ADGRV1: variants seen among roughly 807,000 people sequenced by gnomAD.
The protein encoded by ADGRV1 is G-protein coupled receptor 98.
In ADGRV1, 359 loss-of-function variants were observed where a neutral mutation model predicts 596.2. That is an observed-to-expected ratio of 0.60 (90% CI 0.55 to 0.66). ADGRV1 has a LOEUF of 0.66. Ranked by LOEUF, ADGRV1 falls within the 30% of genes least tolerant of loss-of-function variation. The pLI is 0.00. For synonymous variants in ADGRV1, 2,681 were observed against 2,679.2 expected (o/e 1.00, Z -0.02); for missense variants, 7,274 against 7,575.6 (o/e 0.96, Z 1.48).
At chr5:90,611,262 G>A (rs1441571090) in intron 1 of ADGRV1, among the ~76,000 whole-genome samples, 1 of 151,786 alleles carries the variant, frequency 6.6e-6, no homozygotes, top group East Asian at 1.9e-4. Context: ...AGCAAAATTA[G>A]GTGACTTGTT....
chr5:91,126,387 G>T (rs188200441), intron 87 of ADGRV1, among the ~76,000 whole-genome samples: 2 of 152,338 alleles, frequency 1.3e-5, no homozygotes, highest in Non-Finnish European at 2.9e-5. Context: ...TACATGAAAA[G>T]AATATAATTA....
At chr5:91,085,961 C>G (rs1444898862) in intron 86 of ADGRV1, among the ~76,000 whole-genome samples, 1 of 152,146 alleles carries the variant, frequency 6.6e-6, no homozygotes, top group Non-Finnish European at 1.5e-5. Context: ...TCTTTCATCA[C>G]TCATAACGTT....
At chr5:91,056,380 G>A (rs982488701) in intron 85 of ADGRV1, among the ~76,000 whole-genome samples, 4 of 152,006 alleles carry the variant, frequency 2.6e-5, no homozygotes, top group Non-Finnish European at 5.9e-5. Context: ...TTTGGAGCTC[G>A]GTCCAACCAC....
intron 87 of ADGRV1, among the ~76,000 whole-genome samples, chr5:91,124,808 C>T (rs1175869723): frequency 1.3e-5 from 2 of 152,270 alleles, no homozygotes; most frequent in East Asian, 3.9e-4. Flanking sequence ...AAATATAAAA[C>T]TGTAAACTTT....
intron 82 of ADGRV1, among the ~76,000 whole-genome samples, chr5:90,859,889 G>A (rs1415619781): frequency 6.6e-6 from 1 of 151,060 alleles, no homozygotes; most frequent in African/African-American, 2.4e-5. Flanking sequence ...AGACCAGCCT[G>A]GGCAACATAG....
intron 56 of ADGRV1, 77 bp from the exon 57 acceptor site, chr5:90,756,902 G>C: frequency 1.7e-6 from 2 of 1,204,600 alleles, no homozygotes; most frequent in Non-Finnish European, 1.2e-6. Flanking sequence ...AAGTTAAGTA[G>C]AAACAATAAC....
Position 90,689,900 on chromosome 5 carries a change from T to C in ADGRV1, c.6530T>C (p.Leu2177Pro). Residue 2177 changes from leucine to proline, a missense_variant, in exon 30 of 90, where the codon CTA becomes CCA. Around this residue, in one of 5 missense-constraint regions of ADGRV1, gnomAD observed 3,643 missense variants for 3,809.2 expected, o/e 0.96. Coordinates refer to ENST00000405460, the MANE Select transcript of ADGRV1 (RefSeq NM_032119.4). Reference protein sequence around the residue: ...YSIASSDVVLLEGETSKAVPI... With the variant: ...YSIASSDVVLPEGETSKAVPI... ...ATAGCTTCATCAGATGTGGTCTTGC[T>C]AGAAGGGGAAACCAGTAAAGCCGTG... 6.2e-7 allele frequency: 1 copy of C among 1,613,294 alleles called. No individual in the cohort carries two copies. The highest frequency in any genetic ancestry group is 8.5e-7 in the Non-Finnish European group (1 of 1,179,496).
intron 59 of ADGRV1, among the ~76,000 whole-genome samples, chr5:90,771,606 T>C (rs1056671997): frequency 3.9e-5 from 6 of 152,212 alleles, no homozygotes; most frequent in Admixed American, 6.5e-5. Context: ...TTTTTAAAAT[T>C]CAACACCTTT....
chr5:90,833,694 A>G (rs962530902), intron 77 of ADGRV1, among the ~76,000 whole-genome samples: 2 of 152,102 alleles, frequency 1.3e-5, no homozygotes, highest in African/African-American at 2.4e-5. Context: ...AATTTTCCAT[A>G]TGGTTCACTG....
At chr5:90,927,103 A>G (rs1774570665) in intron 83 of ADGRV1, among the ~76,000 whole-genome samples, 1 of 147,782 alleles carries the variant, frequency 6.8e-6, no homozygotes, top group Admixed American at 6.7e-5. Context: ...AAAAAAATGT[A>G]TATTCTGTTG....
At chr5:90,608,195 C>T (rs1762332652) in intron 1 of ADGRV1, among the ~76,000 whole-genome samples, 1 of 151,944 alleles carries the variant, frequency 6.6e-6, no homozygotes, top group African/African-American at 2.4e-5. Flanking sequence ...CTCAGAATAT[C>T]AGTGTGAAAT....
chr5:90,854,136 T>C lies in ADGRV1; in HGVS notation c.17529T>C (p.Tyr5843=), dbSNP rs1299865591. The C allele has an allele frequency of 6.4e-7, 1 of 1,572,426 alleles. No individual in the cohort carries two copies. Among genetic ancestry groups the C allele is most frequent in the South Asian group, 1.2e-5 (1 of 85,738 alleles). The change falls in exon 81 of 90, where the codon TAT becomes TAC. Residue 5843 remains tyrosine (Y), a synonymous_variant. Transcript: ENST00000405460. ...TNDNEVLYRI[Y]AAEPRIIPQT... ...ACAATGAGGTTCTCTACAGGATTTATGCTGCTGAGCCTAGAATTATTCCTC... is the reference window on the plus strand; with the variant it reads ...ACAATGAGGTTCTCTACAGGATTTACGCTGCTGAGCCTAGAATTATTCCTC...
At chr5:90,931,367 T>A (rs1309660835) in intron 83 of ADGRV1, 1 of 152,190 alleles carries the variant, frequency 6.6e-6, no homozygotes. Context: ...TTCCAAAAAG[T>A]TAGTCACTTA....
intron 83 of ADGRV1, among the ~76,000 whole-genome samples, chr5:90,889,795 T>C (rs1376444762): frequency 6.6e-6 from 1 of 152,158 alleles, no homozygotes; most frequent in African/African-American, 2.4e-5. Context: ...ATGAGGATAA[T>C]TGTCCTAAGT....
chr5:90,696,536 G>C (rs1747216023), intron 33 of ADGRV1, among the ~76,000 whole-genome samples: 1 of 152,030 alleles, frequency 6.6e-6, no homozygotes, highest in African/African-American at 2.4e-5. Context: ...AATTATCACA[G>C]TAATGCCAGA....
intron 27 of ADGRV1, among the ~76,000 whole-genome samples, chr5:90,682,130 T>G (rs1262152192): frequency 6.6e-6 from 1 of 152,172 alleles, no homozygotes; most frequent in East Asian, 1.9e-4. Context: ...CCTCTCAAAG[T>G]GCTGGAAAAG....
At chr5:91,105,988 T>A (rs1791837324) in intron 87 of ADGRV1, among the ~76,000 whole-genome samples, 1 of 151,258 alleles carries the variant, frequency 6.6e-6, no homozygotes, top group African/African-American at 2.4e-5. Flanking sequence ...TTTATTTATA[T>A]TTAATATCCT....
intron 86 of ADGRV1, among the ~76,000 whole-genome samples, chr5:91,080,946 T>G (rs2126503005): frequency 6.6e-6 from 1 of 152,262 alleles, no homozygotes; most frequent in South Asian, 2.1e-4. Context: ...CATCAATATC[T>G]CTCAAATGTT....
intron 70 of ADGRV1, 136 bp downstream of exon 70, chr5:90,791,482 T>G (rs932224731): frequency 4.0e-5 from 25 of 626,040 alleles, no homozygotes; most frequent in Non-Finnish European, 6.4e-5. Context: ...CGAAAATGTT[T>G]AGTAACTACT....
Sources: allele counts gnomAD v4.1 joint callset (sites outside exome capture counted in the v4.1 genomes callset), GRCh38; gene constraint gnomAD v4.1.1; regional missense constraint gnomAD v4.1.1; transcripts MANE v1.5; gene names NCBI Gene and HGNC (gene_info 2026-07-23, HGNC 2026-07-21).